The following ATOSA variants were observed in gnomAD, a reference collection of about 807,000 sequenced individuals.
ATOSA encodes atos homolog protein A.
chr15:52,591,294 G>C, the ATOSA span, among the ~76,000 whole-genome samples: 6 of 152,272 alleles, frequency 3.9e-5, no homozygotes, highest in Admixed American at 3.9e-4. Context: ...GCAATGACGC[G>C]ATCTCGGCTC....
At chr15:52,700,869 G>A in the ATOSA span, among the ~76,000 whole-genome samples, 61 of 152,228 alleles carry the variant, frequency 4.0e-4, 1 homozygote, top group East Asian at 9.1e-3. Context: ...GATATCCCTT[G>A]TTCTTGGTTA....
the ATOSA span, among the ~76,000 whole-genome samples, chr15:52,705,261 A>T: frequency 6.6e-6 from 1 of 152,176 alleles, no homozygotes; most frequent in Non-Finnish European, 1.5e-5. Flanking sequence ...GAGGACAGAA[A>T]ACCAAACACC....
the ATOSA span, among the ~76,000 whole-genome samples, chr15:52,673,423 T>C: frequency 1.3e-5 from 2 of 152,260 alleles, no homozygotes; most frequent in African/African-American, 4.8e-5. Context: ...CTTGCCCTTT[T>C]ATTAGCTGTG....
the ATOSA span, among the ~76,000 whole-genome samples, chr15:52,646,294 T>G: frequency 6.6e-6 from 1 of 152,206 alleles, no homozygotes; most frequent in Admixed American, 6.5e-5. Context: ...TCTGCTTGAT[T>G]CTCTTGAACA....
At chr15:52,608,733 G>A in the ATOSA span, 1 of 1,611,210 alleles carries the variant, frequency 6.2e-7, no homozygotes, top group Admixed American at 1.7e-5. Context: ...TATCTTTATT[G>A]AGATAATTCT....
At chr15:52,674,939 T>G in the ATOSA span, among the ~76,000 whole-genome samples, 1 of 151,944 alleles carries the variant, frequency 6.6e-6, no homozygotes, top group Non-Finnish European at 1.5e-5. Flanking sequence ...ATATCTGCTA[T>G]GTGCCAAGCA....
the ATOSA span, among the ~76,000 whole-genome samples, chr15:52,649,155 G>A: frequency 9.9e-5 from 15 of 152,038 alleles, no homozygotes; most frequent in African/African-American, 3.4e-4. Flanking sequence ...AAACACTGTC[G>A]ATATGTGAAA....
chr15:52,692,554 A>G, the ATOSA span, among the ~76,000 whole-genome samples: 474 of 152,294 alleles, frequency 3.1e-3, 1 homozygote, highest in African/African-American at 0.011. Flanking sequence ...GGGTTTCACC[A>G]TATTGCCCAG....
the ATOSA span, among the ~76,000 whole-genome samples, chr15:52,697,351 G>A: frequency 1.3e-5 from 2 of 152,124 alleles, no homozygotes; most frequent in Admixed American, 6.5e-5. Context: ...GTTATACACT[G>A]CTTTTCACAT....
chr15:52,613,898 C>G, the ATOSA span: 1 of 1,549,434 alleles, frequency 6.5e-7, no homozygotes, highest in African/African-American at 1.4e-5. Context: ...ATTTAATGTA[C>G]TCTTAGTAAG....
chr15:52,695,749 G>A, the ATOSA span, among the ~76,000 whole-genome samples: 1 of 152,168 alleles, frequency 6.6e-6, no homozygotes, highest in Non-Finnish European at 1.5e-5. Context: ...GGTTGTCAGG[G>A]TAGGCGTCAT....
the ATOSA span, among the ~76,000 whole-genome samples, chr15:52,699,310 T>A: frequency 6.6e-6 from 1 of 152,170 alleles, no homozygotes; most frequent in Non-Finnish European, 1.5e-5. Flanking sequence ...AGGCAGGAGA[T>A]GGAAAAATGT....
At chr15:52,655,841 T>C in the ATOSA span, among the ~76,000 whole-genome samples, 2 of 152,132 alleles carry the variant, frequency 1.3e-5, no homozygotes, top group African/African-American at 4.8e-5. Context: ...TTATAGGATG[T>C]GTTACCAAAT....
chr15:52,674,084 T>C, the ATOSA span, among the ~76,000 whole-genome samples: 1 of 152,254 alleles, frequency 6.6e-6, no homozygotes, highest in African/African-American at 2.4e-5. Flanking sequence ...ATTACTAATT[T>C]ATGATTTATT....
the ATOSA span, among the ~76,000 whole-genome samples, chr15:52,592,769 G>A: frequency 1.2e-4 from 18 of 152,308 alleles, no homozygotes; most frequent in African/African-American, 2.2e-4. Flanking sequence ...GCTGTAGGCC[G>A]GACAAGCTTG....
the ATOSA span, among the ~76,000 whole-genome samples, chr15:52,652,695 A>C: frequency 1.3e-5 from 2 of 152,242 alleles, no homozygotes; most frequent in Non-Finnish European, 2.9e-5. Flanking sequence ...GTTACTTAGT[A>C]ATCTCTGACA....
the ATOSA span, among the ~76,000 whole-genome samples, chr15:52,619,380 GAATTC>G: frequency 6.6e-6 from 1 of 152,086 alleles, no homozygotes; most frequent in Non-Finnish European, 1.5e-5. Flanking sequence ...AGGCTAAAGA[GAATTC>G]AATAGATCTA....
chr15:52,679,803 C>T, the ATOSA span, among the ~76,000 whole-genome samples: 4 of 108,456 alleles, frequency 3.7e-5, no homozygotes, highest in African/African-American at 1.1e-4. Context: ...TCCCCCCTCC[C>T]CCTCCTTCCC....
At chr15:52,592,681 A>C in the ATOSA span, among the ~76,000 whole-genome samples, 4 of 152,332 alleles carry the variant, frequency 2.6e-5, no homozygotes, top group South Asian at 4.1e-4. Flanking sequence ...AAATCACACA[A>C]AAAAATCTCA....
Sources: allele counts gnomAD v4.1 joint callset (sites outside exome capture counted in the v4.1 genomes callset), GRCh38; gene constraint gnomAD v4.1.1; transcripts MANE v1.5; gene names NCBI Gene and HGNC (gene_info 2026-07-23, HGNC 2026-07-21).